Variants in CCSER1 observed in about 807,000 individuals in gnomAD.
The protein encoded by CCSER1 is coiled-coil serine rich protein 1, also known as serine-rich coiled-coil domain-containing protein 1.
In CCSER1, 41 loss-of-function variants were observed where a neutral mutation model predicts 82.0. The observed-to-expected ratio is 0.50, with a 90% CI of 0.39 to 0.65. The LOEUF is 0.65. Among genes scored for constraint, CCSER1 ranks in the 30% least tolerant of loss-of-function variants. The pLI is 0.00. For missense variants in CCSER1, 1,119 were observed against 1,064.2 expected (o/e 1.05, Z -0.72); for synonymous variants, 414 against 383.9 (o/e 1.08, Z -0.92).
At chr4:91,188,138 T>C (rs2149043763) in intron 10 of CCSER1, among the ~76,000 whole-genome samples, 1 of 152,266 alleles carries the variant, frequency 6.6e-6, no homozygotes, top group Middle Eastern at 3.4e-3. Context: ...TCTTCATCTG[T>C]AGCTACCAGC....
At chr4:90,484,707 G>A (rs529611256) in intron 5 of CCSER1, among the ~76,000 whole-genome samples, 2 of 152,290 alleles carry the variant, frequency 1.3e-5, no homozygotes, top group South Asian at 4.1e-4. Context: ...AACCGCAAAT[G>A]CTGCTCCCTG....
At chr4:90,618,087 G>A (rs1283695958) in intron 5 of CCSER1, among the ~76,000 whole-genome samples, 3 of 151,308 alleles carry the variant, frequency 2.0e-5, no homozygotes, top group African/African-American at 7.4e-5. Flanking sequence ...AGAATGGAAT[G>A]TATGAAATCT....
chr4:90,955,110 G>A (rs1470117844), intron 9 of CCSER1, among the ~76,000 whole-genome samples: 1 of 152,126 alleles, frequency 6.6e-6, no homozygotes, highest in African/African-American at 2.4e-5. Context: ...CGTGTTCTAT[G>A]TATTTATTCT....
chr4:90,398,695 G>C (rs1016960900), intron 3 of CCSER1, among the ~76,000 whole-genome samples: 17 of 152,122 alleles, frequency 1.1e-4, no homozygotes, highest in Non-Finnish European at 1.8e-4. Context: ...CGCTGACACT[G>C]TATGGAACAG....
At chr4:90,405,981 A>T (rs1753655797) in intron 4 of CCSER1, among the ~76,000 whole-genome samples, 1 of 152,184 alleles carries the variant, frequency 6.6e-6, no homozygotes, top group Non-Finnish European at 1.5e-5. Context: ...GGCAACAAAT[A>T]GCATGATGAA....
intron 5 of CCSER1, among the ~76,000 whole-genome samples, chr4:90,626,071 T>G (rs78896878): frequency 0.049 from 7,503 of 152,218 alleles, 380 homozygotes; most frequent in Admixed American, 0.17. Context: ...TAATTTAAAT[T>G]TTATTGTAAT....
intron 10 of CCSER1, among the ~76,000 whole-genome samples, chr4:91,330,971 GTC>G (rs1746908805): frequency 6.6e-6 from 1 of 152,098 alleles, no homozygotes; most frequent in Non-Finnish European, 1.5e-5. Context: ...TCATCCCTTT[GTC>G]CAGCTTATTC....
chr4:91,559,819 T>C (rs1169778016), intron 10 of CCSER1, among the ~76,000 whole-genome samples: 1 of 151,552 alleles, frequency 6.6e-6, no homozygotes, highest in Non-Finnish European at 1.5e-5. Context: ...TAGTATCATA[T>C]TGTAATATCT....
chr4:91,111,165 C>T (rs1417116407), intron 10 of CCSER1, among the ~76,000 whole-genome samples: 1 of 151,762 alleles, frequency 6.6e-6, no homozygotes, highest in African/African-American at 2.4e-5. Flanking sequence ...TATGCTGTTG[C>T]ATTATGGGGC....
chr4:91,175,503 A>G (rs1733237525), intron 10 of CCSER1, among the ~76,000 whole-genome samples: 1 of 152,090 alleles, frequency 6.6e-6, no homozygotes, highest in Non-Finnish European at 1.5e-5. Flanking sequence ...TGACTTTTTA[A>G]TGATCACCAT....
intron 10 of CCSER1, among the ~76,000 whole-genome samples, chr4:91,490,495 A>C (rs1758458662): frequency 6.6e-6 from 1 of 152,082 alleles, no homozygotes; most frequent in South Asian, 2.1e-4. Flanking sequence ...CAGGCCCAGA[A>C]AGATAAACTT....
chr4:91,313,702 C>T (rs759801242), intron 10 of CCSER1, among the ~76,000 whole-genome samples: 5 of 151,840 alleles, frequency 3.3e-5, no homozygotes, highest in Admixed American at 6.6e-5. Flanking sequence ...ACCTTGAGTC[C>T]GAGTTCACCA....
chr4:90,564,258 G>A (rs1287696230), intron 5 of CCSER1, among the ~76,000 whole-genome samples: 1 of 152,030 alleles, frequency 6.6e-6, no homozygotes, highest in Non-Finnish European at 1.5e-5. Flanking sequence ...GTCTCACTAT[G>A]TTGCTCAGGC....
intron 9 of CCSER1, among the ~76,000 whole-genome samples, chr4:91,076,592 T>G (rs915072630): frequency 2.6e-5 from 4 of 152,186 alleles, no homozygotes; most frequent in African/African-American, 9.7e-5. Flanking sequence ...GTCACATAAT[T>G]TAAATTTTGT....
intron 8 of CCSER1, among the ~76,000 whole-genome samples, chr4:90,822,664 G>C (rs1037272989): frequency 6.7e-6 from 1 of 150,370 alleles, no homozygotes; most frequent in Non-Finnish European, 1.5e-5. Flanking sequence ...GGAGGCGGAG[G>C]CTGCAGTGAG....
At chr4:91,471,801 C>T (rs187250692) in intron 10 of CCSER1, among the ~76,000 whole-genome samples, 1 of 151,712 alleles carries the variant, frequency 6.6e-6, no homozygotes, top group African/African-American at 2.4e-5. Flanking sequence ...AACCTTGTCT[C>T]TACTAAAAAT....
chr4:91,007,871 G>A (rs958278880), intron 9 of CCSER1, among the ~76,000 whole-genome samples: 1 of 151,938 alleles, frequency 6.6e-6, no homozygotes, highest in African/African-American at 2.4e-5. Context: ...TGACATTGAT[G>A]CTTGTTGCCA....
intron 10 of CCSER1, among the ~76,000 whole-genome samples, chr4:91,089,086 A>G (rs766273459): frequency 6.6e-6 from 1 of 152,212 alleles, no homozygotes; most frequent in Non-Finnish European, 1.5e-5. Context: ...TCAGCAGACT[A>G]GCATCCTAAA....
intron 10 of CCSER1, among the ~76,000 whole-genome samples, chr4:91,255,534 G>T (rs1186715455): frequency 6.6e-6 from 1 of 152,134 alleles, no homozygotes; most frequent in Non-Finnish European, 1.5e-5. Context: ...TGAGACTGAG[G>T]TATAAATTCA....
Sources: gnomAD v4.1 joint callset for allele counts (sites outside exome capture counted in the v4.1 genomes callset) on GRCh38, gnomAD v4.1.1 for gene constraint, MANE v1.5 for transcripts, NCBI Gene and HGNC (gene_info 2026-07-23, HGNC 2026-07-21) for gene names.